DALRD3: variants seen among roughly 807,000 people sequenced by gnomAD.
The protein encoded by DALRD3 is DALR anticodon-binding domain-containing protein 3.
DALRD3 carries 47 observed loss-of-function variants against 56.7 expected under a neutral mutation model. The ratio of observed to expected loss-of-function variants is 0.83; its 90% CI spans 0.66 to 1.06. DALRD3 has a LOEUF of 1.06. Among genes scored for constraint, DALRD3 ranks in the 50% least tolerant of loss-of-function variants. The pLI is 0.00. For synonymous variants in DALRD3, 347 were observed against 308.5 expected (o/e 1.12, Z -1.31); for missense variants, 787 against 724.0 (o/e 1.09, Z -1.00).
upstream of DALRD3, chr3:49,018,964 G>A: frequency 9.1e-6 from 9 of 985,478 alleles, no homozygotes; most frequent in Non-Finnish European, 1.1e-5. Context: ...GAATAAGGCA[G>A]TATAACATTA....
upstream of DALRD3, chr3:49,018,582 AGCG>A: frequency 6.5e-7 from 1 of 1,535,686 alleles, no homozygotes; most frequent in Admixed American, 2.2e-5. Flanking sequence ...GGAAGGAGTA[AGCG>A]GAACCGGAAA....
upstream of DALRD3, chr3:49,018,744 C>T (rs530493633): frequency 8.1e-6 from 8 of 985,438 alleles, no homozygotes; most frequent in African/African-American, 1.4e-4. Flanking sequence ...GCGTGGTCCA[C>T]CTGCACAGCC....
chr3:49,018,002 C>T (rs1419238959), intron 2 of DALRD3, 21 bp downstream of exon 2: 2 of 1,473,716 alleles, frequency 1.4e-6, no homozygotes, highest in African/African-American at 1.4e-5. Context: ...TTCTCCATTC[C>T]GGCCCCGCGG....
Position 49,018,491 on chromosome 3 carries a change from A to G in DALRD3, c.74T>C (p.Val25Ala), listed in dbSNP as rs369269616. The change falls in exon 1 of 12, where the codon GTG becomes GCG. Residue 25 changes from valine (V) to alanine (A), a missense_variant. Val to Ala is a moderately conservative substitution (Grantham distance 64). Transcript: ENST00000341949. ...LNAALGPGGP[V>A]WIKETRTRHL... ...GCGGGTGCGCGTCTCCTTGATCCAC[A>G]CCGGACCGCCTGGCCCCAGGGCCGC... 20 of 1,586,762 alleles carry G rather than the reference A, an allele frequency of 1.3e-5. No individual in the cohort carries two copies. In the African/African-American group the frequency reaches 2.6e-4, roughly 20 times the overall value.
chr3:49,015,890 G>A lies in DALRD3; in HGVS notation c.1444-18C>T. 2 of 1,614,208 alleles carry A rather than the reference G, an allele frequency of 1.2e-6. No individual in the cohort carries two copies. The highest frequency in any genetic ancestry group is 1.7e-6 in the Non-Finnish European group (2 of 1,180,038). ...TTGCATATCTAGAGACAGAGACTGA[G>A]TCACTGGCCCATCTCTTTGCTCTTG... On this transcript the variant is annotated intron_variant, in intron 10 of 11. Coordinates refer to ENST00000341949, the MANE Select transcript of DALRD3 (RefSeq NM_001009996.3).
At chr3:49,017,910 C>G (rs1434826576) in intron 2 of DALRD3, 41 bp from the exon 3 acceptor site, 2 of 1,565,614 alleles carry the variant, frequency 1.3e-6, no homozygotes, top group Non-Finnish European at 1.7e-6. Context: ...AGCACCTGGT[C>G]CAGCTCGCCA....
chr3:49,017,198 T>C, intron 5 of DALRD3, 30 bp downstream of exon 5: 1 of 1,614,038 alleles, frequency 6.2e-7, no homozygotes, highest in Non-Finnish European at 8.5e-7. Context: ...GGTTAGGTGG[T>C]GGGGAGCTCC....
In DALRD3 at chr3:49,018,469, G is replaced by T. The variant is rs375207499; in HGVS notation, c.96C>A (p.Thr32=). 1,028 of 1,588,824 alleles carry T rather than the reference G, an allele frequency of 6.5e-4. 1 individual carries two copies. Among genetic ancestry groups the T allele is most frequent in the Non-Finnish European group, 7.2e-4 (838 of 1,167,880 alleles). The part of the protein sequence containing the change: ...GGPVWIKETR[T]RHLRSRDFLA... The stretch of plus-strand genomic sequence containing the variant: ...GAAAGTCTCGGGAACGCAGGTGGCG[G>T]GTGCGCGTCTCCTTGATCCACACCG... Residue 32 remains threonine (T), a synonymous_variant, in exon 1 of 12, where the codon ACC becomes ACA. Coordinates refer to ENST00000341949, the MANE Select transcript of DALRD3 (RefSeq NM_001009996.3).
chr3:49,017,186 G>A lies in DALRD3; in HGVS notation c.927+42C>T, dbSNP rs750419254. 1.9e-4 allele frequency: 302 copies of A among 1,613,474 alleles called. No homozygotes were observed. In the Admixed American group the frequency reaches 5.0e-3, roughly 27 times the overall value. ...GGTTTTCAAGGGCCCTCTGAGGTTG[G>A]GGGTTAGGTGGTGGGGAGCTCCACC... On this transcript the variant is annotated intron_variant, in intron 5 of 11. Coordinates refer to ENST00000341949, the MANE Select transcript of DALRD3 (RefSeq NM_001009996.3).
In DALRD3 at chr3:49,016,377, A is replaced by G. The variant is rs775430131; in HGVS notation, c.1147-37T>C. 33 of 1,603,488 alleles carry G rather than the reference A, an allele frequency of 2.1e-5. No individual in the cohort carries two copies. In the African/African-American group the frequency reaches 4.0e-4, roughly 19 times the overall value. On this transcript the variant is annotated intron_variant, in intron 8 of 11. Coordinates refer to ENST00000341949, the MANE Select transcript of DALRD3 (RefSeq NM_001009996.3). The stretch of plus-strand genomic sequence containing the variant: ...AAGCACAGCTGCAGAGAGAGAAGGC[A>G]GCCACCACACCCTGTGCCCCAACAC...
chr3:49,019,214 G>C (rs189978288), upstream of DALRD3: 2 of 184,006 alleles, frequency 1.1e-5, no homozygotes, highest in Admixed American at 6.5e-5. Flanking sequence ...CTGGGATTAC[G>C]GGCGCCCGCC....
At chr3:49,017,897 C>A in intron 2 of DALRD3, 28 bp from the exon 3 acceptor site, 1 of 1,581,160 alleles carries the variant, frequency 6.3e-7, no homozygotes, top group South Asian at 1.1e-5. Context: ...CCGCCTCAGT[C>A]TGAGCACCTG....
At chr3:49,016,534 A>G in intron 7 of DALRD3, 23 bp from the exon 8 acceptor site, 2 of 1,610,444 alleles carry the variant, frequency 1.2e-6, no homozygotes, top group South Asian at 1.1e-5. Flanking sequence ...AGGGTTGGTC[A>G]GTCAGTCTGC....
At position 49,018,194 on chromosome 3, in the gene DALRD3, C is replaced by T. The variant is rs1164922945; in HGVS notation, c.290G>A (p.Arg97His). The T allele has an allele frequency of 4.1e-6, 6 of 1,447,098 alleles. No individual in the cohort carries two copies. The highest frequency in any genetic ancestry group is 4.5e-6 in the Non-Finnish European group (5 of 1,111,788). 89.6% of individuals were successfully genotyped at this position (1,447,098 alleles called of 1,614,324 possible). A position where few individuals can be genotyped will look rare whatever the true frequency, so the allele number is the denominator to read the frequency against. ...LQLQRSAVFE[R>H]VLSAVAAYAT... The stretch of plus-strand genomic sequence containing the variant: ...ATAGGCGGCCACGGCGCTGAGGACG[C>T]GCTCGAAGACGGCGGACCGCTGCAG... Residue 97 changes from arginine to histidine, a missense_variant, in exon 2 of 12, where the codon CGC (arginine) becomes CAC (histidine). Coordinates refer to ENST00000341949, the MANE Select transcript of DALRD3 (RefSeq NM_001009996.3).
chr3:49,017,080 C>A, intron 5 of DALRD3, 148 bp downstream of exon 5: 2 of 1,151,130 alleles, frequency 1.7e-6, no homozygotes, highest in East Asian at 2.4e-5. Flanking sequence ...AGCCTCTGCA[C>A]CTGCTGTACA....
chr3:49,017,268 A>T lies in DALRD3; in HGVS notation c.887T>A (p.Leu296Gln), dbSNP rs1207338528. The T allele has an allele frequency of 1.4e-5, 22 of 1,614,216 alleles. No individual in the cohort carries two copies. Among genetic ancestry groups the T allele is most frequent in the Non-Finnish European group, 1.7e-5 (20 of 1,180,010 alleles). ...EEEFQQQKLD[L>Q]LWQKLVDKAP... ...CTTGTCAACCAACTTCTGCCAAAGC[A>T]GGTCCAACTTCTGTTGCTGGAACTC... The change falls in exon 5 of 12, where the codon CTG becomes CAG. Residue 296 changes from leucine to glutamine, a missense_variant. Physicochemically the swap from Leu to Gln is moderately radical, Grantham distance 113. Coordinates refer to ENST00000341949, the MANE Select transcript of DALRD3 (RefSeq NM_001009996.3).
chr3:49,017,361 G>A lies in DALRD3; in HGVS notation c.799-5C>T, dbSNP rs1270727169. On this transcript the variant is annotated splice_polypyrimidine_tract_variant and splice_region_variant and intron_variant, in intron 4 of 11. Coordinates refer to ENST00000341949, the MANE Select transcript of DALRD3 (RefSeq NM_001009996.3). ...ACCAGTATCTGAGGCCCCAGCCTAA[G>A]GGAGGACAATCATAACTGTGGAAGT... The A allele has an allele frequency of 6.2e-6, 10 of 1,614,132 alleles. No homozygotes were observed. Among genetic ancestry groups the A allele is most frequent in the Non-Finnish European group, 8.5e-6 (10 of 1,180,058 alleles).
upstream of DALRD3, chr3:49,020,395 C>T (rs2093143275): frequency 2.5e-6 from 1 of 403,258 alleles, no homozygotes; most frequent in South Asian, 1.8e-5. Flanking sequence ...TGAGGCAGCC[C>T]TGGGGGAGTC....
upstream of DALRD3, chr3:49,018,611 G>A (rs758854260): frequency 9.1e-5 from 137 of 1,497,350 alleles, 2 homozygotes; most frequent in Middle Eastern, 2.1e-3. Flanking sequence ...TTAGGGAGGT[G>A]GAACTTCCGG....
Sources: gnomAD v4.1 joint callset for allele counts on GRCh38, gnomAD v4.1.1 for gene constraint, MANE v1.5 for transcripts, NCBI Gene and HGNC (gene_info 2026-07-23, HGNC 2026-07-21) for gene names.